Variants in FGF14 observed in about 807,000 individuals in gnomAD.
FGF14 encodes fibroblast growth factor homologous factor 4.
In FGF14, 5 loss-of-function variants were observed where a neutral mutation model predicts 25.5. That is an observed-to-expected ratio of 0.20 (90% CI 0.10 to 0.41). The LOEUF (loss-of-function observed/expected upper bound fraction) is 0.41. Ranked by LOEUF, FGF14 falls within the 10% of genes least tolerant of loss-of-function variation. The pLI is 1.00. For missense variants in FGF14, 222 were observed against 320.1 expected (o/e 0.69, Z 2.34); for synonymous variants, 138 against 118.3 (o/e 1.17, Z -1.08).
intron 1 of FGF14, among the ~76,000 whole-genome samples, chr13:101,892,012 C>CA (rs1469386206): frequency 6.6e-6 from 1 of 151,808 alleles, no homozygotes; most frequent in Non-Finnish European, 1.5e-5. Flanking sequence ...TGTGACATAG[C>CA]AAAAAACAAG....
intron 3 of FGF14, among the ~76,000 whole-genome samples, chr13:101,806,532 A>G (rs2041216979): frequency 6.6e-6 from 1 of 151,944 alleles, no homozygotes; most frequent in African/African-American, 2.4e-5. Context: ...AAATCATCTT[A>G]GCATCTGGGA....
intron 1 of FGF14, among the ~76,000 whole-genome samples, chr13:102,190,184 C>T (rs1313441978): frequency 6.6e-6 from 1 of 152,198 alleles, no homozygotes; most frequent in Non-Finnish European, 1.5e-5. Flanking sequence ...CAGCAACCTT[C>T]CCTCATACCT....
At chr13:102,364,601 T>C (rs2057656782) in intron 1 of FGF14, among the ~76,000 whole-genome samples, 1 of 152,232 alleles carries the variant, frequency 6.6e-6, no homozygotes, top group African/African-American at 2.4e-5. Context: ...ATATTGCCAA[T>C]TAAATCCAAC....
chr13:102,259,127 C>T (rs966031700), intron 1 of FGF14, among the ~76,000 whole-genome samples: 3 of 152,314 alleles, frequency 2.0e-5, no homozygotes, highest in Admixed American at 6.5e-5. Flanking sequence ...TGATCTTACT[C>T]CTCTGTTGAA....
intron 1 of FGF14, among the ~76,000 whole-genome samples, chr13:102,246,755 T>TAC (rs1254940280): frequency 3.3e-5 from 5 of 150,610 alleles, no homozygotes; most frequent in Admixed American, 3.3e-4. Flanking sequence ...ATGGAACATA[T>TAC]ATATATATAT....
intron 1 of FGF14, among the ~76,000 whole-genome samples, chr13:102,225,692 A>C (rs567351945): frequency 6.6e-6 from 1 of 152,166 alleles, no homozygotes; most frequent in Non-Finnish European, 1.5e-5. Context: ...GTTTATAAAA[A>C]CTGTTTTGAC....
chr13:102,209,311 C>T (rs549484452), intron 1 of FGF14, among the ~76,000 whole-genome samples: 2 of 152,266 alleles, frequency 1.3e-5, no homozygotes, highest in Admixed American at 6.5e-5. Context: ...AAGGAGACAT[C>T]CTAGGCATAT....
At chr13:102,144,116 A>C (rs2140469553) in intron 1 of FGF14, among the ~76,000 whole-genome samples, 1 of 152,268 alleles carries the variant, frequency 6.6e-6, no homozygotes, top group African/African-American at 2.4e-5. Context: ...CCTGGGCTCC[A>C]GTGGTCCTCC....
chr13:102,211,594 T>C (rs1046983878), intron 1 of FGF14, among the ~76,000 whole-genome samples: 1 of 152,252 alleles, frequency 6.6e-6, no homozygotes, highest in African/African-American at 2.4e-5. Flanking sequence ...CTTTTGCTAC[T>C]TGGCTACAAC....
At chr13:102,381,663 T>C (rs1272417264) in intron 1 of FGF14, among the ~76,000 whole-genome samples, 3 of 152,196 alleles carry the variant, frequency 2.0e-5, no homozygotes, top group African/African-American at 7.2e-5. Flanking sequence ...TGAAAGTGCT[T>C]ATATGTTTCA....
At chr13:101,816,065 T>A (rs1028406228) in intron 3 of FGF14, among the ~76,000 whole-genome samples, 8 of 151,454 alleles carry the variant, frequency 5.3e-5, no homozygotes, top group African/African-American at 1.9e-4. Flanking sequence ...GGTCAGGAGA[T>A]CGAGACCATC....
intron 1 of FGF14, among the ~76,000 whole-genome samples, chr13:102,146,768 A>C (rs1428200053): frequency 6.6e-6 from 1 of 152,232 alleles, no homozygotes; most frequent in Non-Finnish European, 1.5e-5. Flanking sequence ...CATGAGTTTC[A>C]AACGATAAAA....
At chr13:101,922,715 A>G (rs2034088947) in intron 1 of FGF14, among the ~76,000 whole-genome samples, 1 of 151,826 alleles carries the variant, frequency 6.6e-6, no homozygotes, top group African/African-American at 2.4e-5. Flanking sequence ...TGATTATTAA[A>G]TTTTTTCCTA....
At chr13:102,321,497 C>T (rs1035282644) in intron 1 of FGF14, among the ~76,000 whole-genome samples, 2 of 151,890 alleles carry the variant, frequency 1.3e-5, no homozygotes, top group East Asian at 3.9e-4. Context: ...TTCATTTATC[C>T]ATATATTTTA....
At chr13:101,819,102 AG>A (rs770383467) in intron 3 of FGF14, among the ~76,000 whole-genome samples, 6 of 152,192 alleles carry the variant, frequency 3.9e-5, no homozygotes, top group Non-Finnish European at 8.8e-5. Context: ...CATTGTAACA[AG>A]CTTACAAGGT....
intron 1 of FGF14, among the ~76,000 whole-genome samples, chr13:102,335,216 G>C (rs2056757529): frequency 6.6e-6 from 1 of 152,146 alleles, no homozygotes; most frequent in South Asian, 2.1e-4. Flanking sequence ...ACTGGAAAGA[G>C]AGACAACAAC....
chr13:102,167,157 C>A (rs1389333420), intron 1 of FGF14, among the ~76,000 whole-genome samples: 1 of 151,688 alleles, frequency 6.6e-6, no homozygotes, highest in Non-Finnish European at 1.5e-5. Flanking sequence ...AAGGCTTTCA[C>A]AAACTAAAAA....
chr13:102,111,414 A>T (rs1246150369), intron 1 of FGF14, among the ~76,000 whole-genome samples: 1 of 152,164 alleles, frequency 6.6e-6, no homozygotes, highest in Admixed American at 6.5e-5. Flanking sequence ...TGTTTACTAC[A>T]TATCAAGATT....
chr13:102,363,329 T>C (rs1318592550), intron 1 of FGF14, among the ~76,000 whole-genome samples: 2 of 152,180 alleles, frequency 1.3e-5, no homozygotes, highest in East Asian at 1.9e-4. Flanking sequence ...AAAATATTCA[T>C]TTGGGATGGC....
Sources: gnomAD v4.1 joint callset for allele counts (sites outside exome capture counted in the v4.1 genomes callset) on GRCh38, gnomAD v4.1.1 for gene constraint, MANE v1.5 for transcripts, NCBI Gene and HGNC (gene_info 2026-07-23, HGNC 2026-07-21) for gene names.